Variants in NEDD9 observed in about 807,000 individuals in gnomAD.
NEDD9 encodes the protein neural precursor cell expressed, developmentally down-regulated 9, also known as enhancer of filamentation 1.
In NEDD9, 26 loss-of-function variants were observed where a neutral mutation model predicts 76.6. The ratio of observed to expected loss-of-function variants is 0.34; its 90% CI spans 0.25 to 0.47. The LOEUF (loss-of-function observed/expected upper bound fraction) is 0.47. Ranked by LOEUF, NEDD9 falls within the 20% of genes least tolerant of loss-of-function variation. The pLI is 1.00. For missense variants in NEDD9, 937 were observed against 1,058.5 expected (o/e 0.89, Z 1.59); for synonymous variants, 392 against 414.2 (o/e 0.95, Z 0.65).
intron 1 of NEDD9, among the ~76,000 whole-genome samples, chr6:11,364,927 C>T (rs1762736162): frequency 6.6e-6 from 1 of 152,102 alleles, no homozygotes; most frequent in Admixed American, 6.5e-5. Flanking sequence ...ATTTCCTCTC[C>T]TCTTTCCTTA....
chr6:11,353,307 G>C (rs1762504926), intron 1 of NEDD9, among the ~76,000 whole-genome samples: 1 of 152,228 alleles, frequency 6.6e-6, no homozygotes, highest in Admixed American at 6.5e-5. Context: ...ATCAAGTTAA[G>C]ATGAGGTCAT....
intron 3 of NEDD9, among the ~76,000 whole-genome samples, chr6:11,247,675 A>C (rs1480026743): frequency 1.3e-5 from 2 of 152,196 alleles, no homozygotes; most frequent in African/African-American, 2.4e-5. Flanking sequence ...AACTGACTTC[A>C]TGCATTTTTA....
intron 1 of NEDD9, among the ~76,000 whole-genome samples, chr6:11,371,353 A>G (rs932379091): frequency 6.6e-6 from 1 of 152,168 alleles, no homozygotes; most frequent in African/African-American, 2.4e-5. Context: ...GCAAATGCAC[A>G]GTGACACGCT....
intron 1 of NEDD9, among the ~76,000 whole-genome samples, chr6:11,346,312 C>A (rs929036664): frequency 6.6e-6 from 1 of 152,138 alleles, no homozygotes; most frequent in East Asian, 1.9e-4. Flanking sequence ...TACATTCTCC[C>A]AGTCCTACTA....
chr6:11,342,540 T>A (rs1225672353), intron 1 of NEDD9, among the ~76,000 whole-genome samples: 3 of 152,216 alleles, frequency 2.0e-5, no homozygotes, highest in Non-Finnish European at 4.4e-5. Context: ...GTAAAAATCC[T>A]ATTCACACAG....
chr6:11,227,753 C>T (rs905832361), intron 1 of NEDD9, among the ~76,000 whole-genome samples: 2 of 151,994 alleles, frequency 1.3e-5, no homozygotes, highest in African/African-American at 2.4e-5. Flanking sequence ...CTTTAGATAA[C>T]GATTTGATTG....
At chr6:11,234,691 TGGAA>T (rs1759562735), upstream of NEDD9, among the ~76,000 whole-genome samples, 1 of 150,682 alleles carries the variant, frequency 6.6e-6, no homozygotes, top group Non-Finnish European at 1.5e-5. Context: ...AAACCTGTGC[TGGAA>T]CCTCAAAACA....
intron 1 of NEDD9, among the ~76,000 whole-genome samples, chr6:11,337,679 G>A (rs1488520055): frequency 1.3e-5 from 2 of 152,204 alleles, no homozygotes; most frequent in African/African-American, 4.8e-5. Flanking sequence ...CTCCGTCCCT[G>A]GCTCTCAGTG....
intron 3 of NEDD9, among the ~76,000 whole-genome samples, chr6:11,193,338 T>C (rs998906964): frequency 6.7e-6 from 1 of 148,576 alleles, no homozygotes; most frequent in South Asian, 2.2e-4. Flanking sequence ...AAAAGAAAAA[T>C]CTACTTTCTG....
intron 1 of NEDD9, among the ~76,000 whole-genome samples, chr6:11,221,163 G>A (rs1244230541): frequency 6.6e-6 from 1 of 152,022 alleles, no homozygotes; most frequent in African/African-American, 2.4e-5. Flanking sequence ...TGGGCAGATT[G>A]CCTGAGCTCA....
At chr6:11,294,294 CTA>C (rs1481163823) in intron 3 of NEDD9, among the ~76,000 whole-genome samples, 3 of 152,062 alleles carry the variant, frequency 2.0e-5, no homozygotes, top group Non-Finnish European at 4.4e-5. Context: ...TGGTTTGGCT[CTA>C]TGTCTCTACC....
chr6:11,350,460 A>G (rs1171205989), intron 1 of NEDD9, among the ~76,000 whole-genome samples: 1 of 152,198 alleles, frequency 6.6e-6, no homozygotes, highest in Non-Finnish European at 1.5e-5. Context: ...CTCTCAGTTC[A>G]GTTTCTCTTT....
chr6:11,205,696 A>G (rs950788370), intron 2 of NEDD9, among the ~76,000 whole-genome samples: 2 of 151,124 alleles, frequency 1.3e-5, no homozygotes, highest in Non-Finnish European at 2.9e-5. Flanking sequence ...GCGTGATCTC[A>G]GCTCACTGCA....
chr6:11,356,676 T>A (rs1052908803), intron 1 of NEDD9, among the ~76,000 whole-genome samples: 24 of 152,132 alleles, frequency 1.6e-4, no homozygotes, highest in Non-Finnish European at 2.8e-4. Flanking sequence ...GACCACAGGC[T>A]CACTTGAGTG....
intron 1 of NEDD9, among the ~76,000 whole-genome samples, chr6:11,368,859 C>T (rs1230174441): frequency 1.3e-5 from 2 of 152,182 alleles, no homozygotes; most frequent in Non-Finnish European, 2.9e-5. Context: ...TCCTCCTCTT[C>T]CTCCCACTAG....
intron 4 of NEDD9, 64 bp downstream of exon 4, chr6:11,192,278 CCTG>C: frequency 3.1e-6 from 1 of 327,820 alleles, no homozygotes; most frequent in Non-Finnish European, 5.2e-6. Flanking sequence ...CCCTCCCAAC[CCTG>C]CACCCCCCGA....
intron 1 of NEDD9, among the ~76,000 whole-genome samples, chr6:11,355,983 A>G (rs1047693183): frequency 6.6e-6 from 1 of 152,154 alleles, no homozygotes; most frequent in Admixed American, 6.5e-5. Context: ...GGCCTCCCAA[A>G]GTCCTGGGAT....
chr6:11,366,294 GGAAA>G (rs1033127079), intron 1 of NEDD9, among the ~76,000 whole-genome samples: 111 of 117,254 alleles, frequency 9.5e-4, no homozygotes, highest in African/African-American at 9.6e-4. Flanking sequence ...AAGGAAGGAA[GGAAA>G]GAAAGAAAGA....
At chr6:11,237,555 T>G (rs934420166), upstream of NEDD9, among the ~76,000 whole-genome samples, 3 of 152,176 alleles carry the variant, frequency 2.0e-5, no homozygotes, top group African/African-American at 7.2e-5. This position sits in a 1 kb window ranked among gnomAD's most constrained non-coding sequence, Gnocchi z 4.9. Flanking sequence ...GCTTTTACAT[T>G]TTTAAGTGGT....
Sources: gnomAD v4.1 joint callset for allele counts (sites outside exome capture counted in the v4.1 genomes callset) on GRCh38, gnomAD v4.1.1 for gene constraint, Gnocchi (gnomAD v3.1) non-coding constraint, MANE v1.5 for transcripts, NCBI Gene and HGNC (gene_info 2026-07-23, HGNC 2026-07-21) for gene names.